The following ATRAID variants were observed in gnomAD, a reference collection of about 807,000 sequenced individuals.
ATRAID encodes the protein all-trans retinoic acid-induced differentiation factor.
A neutral mutation model predicts 28.8 loss-of-function variants in ATRAID; 26 were observed. The observed-to-expected ratio is 0.90, with a 90% CI of 0.66 to 1.25. The LOEUF (loss-of-function observed/expected upper bound fraction) is 1.25. ATRAID is among the 50% of genes most tolerant of loss of function. ATRAID has a pLI of 0.00. For synonymous variants in ATRAID, 131 were observed against 108.5 expected (o/e 1.21, Z -1.29); for missense variants, 308 against 285.9 (o/e 1.08, Z -0.56).
At chr2:27,212,991 C>T (rs926410343) in intron 1 of ATRAID, 186 bp from the exon 2 acceptor site, 6 of 697,170 alleles carry the variant, frequency 8.6e-6, no homozygotes, top group Non-Finnish European at 1.4e-5. Flanking sequence ...GCGCAGGACT[C>T]TGGAGGAAGA....
intron 1 of ATRAID, 76 bp downstream of exon 1, chr2:27,212,543 C>G (rs1288240372): frequency 1.3e-6 from 2 of 1,500,224 alleles, no homozygotes; most frequent in African/African-American, 1.4e-5. Context: ...AGCGGCTCCC[C>G]CTTCTCCTCG....
chr2:27,215,179 A>G, intron 2 of ATRAID, 142 bp from the exon 3 acceptor site: 1 of 764,212 alleles, frequency 1.3e-6, no homozygotes, highest in Non-Finnish European at 2.1e-6. Context: ...TAAAATGTCT[A>G]CCACAGCTCC....
intron 2 of ATRAID, among the ~76,000 whole-genome samples, chr2:27,215,090 A>G (rs1449806847): frequency 3.3e-5 from 5 of 152,116 alleles, no homozygotes; most frequent in South Asian, 4.1e-4. Context: ...GTGAGTCACT[A>G]CACCCAGCCT....
rs1393482657 is a variant in ATRAID at position 27,212,296 on chromosome 2, A to G, written c.-73A>G. The G allele has an allele frequency of 2.6e-6, 4 of 1,551,970 alleles. No individual in the cohort carries two copies. The highest frequency in any genetic ancestry group is 1.4e-5 in the African/African-American group (1 of 73,540). ...GCCGCTTAGGCCACGCCCGGGGAAG[A>G]GGGCCTGACGCGCTGCGGGGCGGGG... is the stretch of plus-strand genomic sequence containing the variant. On this transcript the variant is annotated 5_prime_UTR_variant, in exon 1 of 7. Transcript: ENST00000380171.
In ATRAID at chr2:27,212,251, C is replaced by T. The variant is rs746726954; in HGVS notation, c.-118C>T. 2 of 1,560,748 alleles carry T rather than the reference C, an allele frequency of 1.3e-6. No individual in the cohort carries two copies. The highest frequency in any genetic ancestry group is 4.7e-5 in the East Asian group (2 of 42,672). Reference sequence around the variant, plus strand: ...ACGAGCAGGAAAAGCCCCCAAGCAGCCCCAGGGCGACTGGACCGGGCCGCT... The same window carrying T: ...ACGAGCAGGAAAAGCCCCCAAGCAGTCCCAGGGCGACTGGACCGGGCCGCT... On this transcript the variant is annotated 5_prime_UTR_variant, in exon 1 of 7. Transcript: ENST00000380171.
At chr2:27,216,661 A>C in intron 6 of ATRAID, 41 bp downstream of exon 6, 3 of 1,555,022 alleles carry the variant, frequency 1.9e-6, no homozygotes, top group Non-Finnish European at 2.7e-6. Context: ...CAAGGAATGC[A>C]TAGAGCAAGT....
intron 2 of ATRAID, 80 bp from the exon 3 acceptor site, chr2:27,215,241 T>C (rs1674775308): frequency 2.2e-6 from 3 of 1,369,612 alleles, no homozygotes; most frequent in Non-Finnish European, 1.0e-6. Flanking sequence ...GAAAAGGGGG[T>C]TGTGTAGTCA....
rs1239350593 is a variant in ATRAID, at chr2:27,212,313, G to C, written c.-56G>C. The C allele has an allele frequency of 6.5e-7, 1 of 1,549,512 alleles. No individual in the cohort carries two copies. The highest frequency in any genetic ancestry group is 1.7e-4 in the Middle Eastern group (1 of 5,794). On this transcript the variant is annotated 5_prime_UTR_variant, in exon 1 of 7. Transcript: ENST00000380171. ...CGGGGAAGAGGGCCTGACGCGCTGC[G>C]GGGCGGGGCCGCGGGGCCGGGTCGC... is the stretch of plus-strand genomic sequence containing the variant.
chr2:27,212,073 G>A lies in ATRAID; in HGVS notation c.-296G>A. 1.6e-6 allele frequency: 2 copies of A among 1,273,958 alleles called. No individual in the cohort carries two copies. Among genetic ancestry groups the A allele is most frequent in the Non-Finnish European group, 2.1e-6 (2 of 950,168 alleles). 78.9% of individuals were successfully genotyped at this position (1,273,958 alleles called of 1,614,324 possible). On this transcript the variant is annotated 5_prime_UTR_variant, in exon 1 of 7. Transcript: ENST00000380171. ...TGCGAAGCCGCGACCTCGGCGTCCGGACGCGGGGAACACCGGGCTGAGGGA... is the reference window on the plus strand; with the variant it reads ...TGCGAAGCCGCGACCTCGGCGTCCGAACGCGGGGAACACCGGGCTGAGGGA...
At position 27,215,357 on chromosome 2, in the gene ATRAID, T is replaced by G; in HGVS notation, c.258T>G (p.Gly86=). Reference sequence around the variant, plus strand: ...AGAACTGTTCTCTGGAGGACCCTGGTCCAAACTTTCATCAGGCACATACCA... The same window carrying G: ...AGAACTGTTCTCTGGAGGACCCTGGGCCAAACTTTCATCAGGCACATACCA... The part of the protein sequence containing the change: ...DLQNCSLEDP[G]PNFHQAHTTV... The change falls in exon 3 of 7, where the codon GGT becomes GGG. Residue 86 remains glycine (G), a synonymous_variant. Coordinates refer to ENST00000380171, the MANE Select transcript of ATRAID (RefSeq NM_001170795.4). 6.2e-7 allele frequency: 1 copy of G among 1,614,190 alleles called. No homozygotes were observed. Among genetic ancestry groups the G allele is most frequent in the Non-Finnish European group, 8.5e-7 (1 of 1,180,032 alleles).
At chr2:27,213,545 TTA>T (rs2148042823) in intron 2 of ATRAID, 3 of 351,364 alleles carry the variant, frequency 8.5e-6, no homozygotes, top group African/African-American at 2.1e-5. Flanking sequence ...ACTCAAAATG[TTA>T]TGTTTTGCTT....
Position 27,212,285 on chromosome 2 carries a change from GC to G in ATRAID, c.-81del. ...GACTGGACCGGGCCGCTTAGGCCAC[GC>G]CCGGGGAAGAGGGCCTGACGCGCTG... On this transcript the variant is annotated 5_prime_UTR_variant, in exon 1 of 7. Transcript: ENST00000380171. 8 of 1,553,376 alleles carry G rather than the reference GC, an allele frequency of 5.2e-6. No homozygotes were observed. The highest frequency in any genetic ancestry group is 7.0e-6 in the Non-Finnish European group (8 of 1,148,586).
rs908633653 is a variant in ATRAID at position 27,212,278 on chromosome 2, A to G, written c.-91A>G. 2 of 1,554,550 alleles carry G rather than the reference A, an allele frequency of 1.3e-6. No individual in the cohort carries two copies. Among genetic ancestry groups the G allele is most frequent in the Non-Finnish European group, 1.7e-6 (2 of 1,149,358 alleles). On this transcript the variant is annotated 5_prime_UTR_variant, in exon 1 of 7. Coordinates refer to ENST00000380171, the MANE Select transcript of ATRAID (RefSeq NM_001170795.4). The stretch of plus-strand genomic sequence containing the variant: ...CCAGGGCGACTGGACCGGGCCGCTT[A>G]GGCCACGCCCGGGGAAGAGGGCCTG...
intron 1 of ATRAID, 21 bp from the exon 2 acceptor site, chr2:27,213,156 A>C: frequency 6.2e-7 from 1 of 1,606,366 alleles, no homozygotes; most frequent in Non-Finnish European, 8.5e-7. Flanking sequence ...TGGAGTTCTA[A>C]TGTTTCTTTC....
intron 1 of ATRAID, 127 bp from the exon 2 acceptor site, chr2:27,213,050 T>G: frequency 1.9e-5 from 23 of 1,191,448 alleles, no homozygotes; most frequent in East Asian, 2.4e-5. Context: ...CACGAGCCGT[T>G]TATCCATTTA....
downstream of ATRAID, chr2:27,217,162 CCTCT>C (rs1425371603): frequency 7.6e-6 from 4 of 525,632 alleles, no homozygotes; most frequent in East Asian, 3.2e-5. Flanking sequence ...CTTTTTTTTT[CCTCT>C]CTTTCTTTTT....
chr2:27,214,233 A>G (rs1235412258), intron 2 of ATRAID, among the ~76,000 whole-genome samples: 1 of 152,246 alleles, frequency 6.6e-6, no homozygotes, highest in Non-Finnish European at 1.5e-5. Flanking sequence ...ACTGTGTTAC[A>G]TATTTTTAAC....
chr2:27,215,651 A>G lies in ATRAID; in HGVS notation c.385A>G (p.Asn129Asp), dbSNP rs549488893. The G allele has an allele frequency of 9.0e-5, 145 of 1,614,214 alleles. 1 individual carries two copies. In the South Asian group the frequency reaches 1.4e-3, roughly 16 times the overall value. Residue 129 changes from asparagine (N) to aspartate (D), a missense_variant, in exon 5 of 7, where the codon AAC becomes GAC. Physicochemically the swap from Asn to Asp is conservative, Grantham distance 23. Coordinates refer to ENST00000380171, the MANE Select transcript of ATRAID (RefSeq NM_001170795.4). Reference protein sequence around the residue: ...LQTLILPQHVNCPGGINAWNT... With the variant: ...LQTLILPQHVDCPGGINAWNT... Reference sequence around the variant, plus strand: ...CTATAGGATACTGCCACAACATGTCAACTGTCCTGGAGGAATTAATGCCTG... The same window carrying G: ...CTATAGGATACTGCCACAACATGTCGACTGTCCTGGAGGAATTAATGCCTG...
intron 5 of ATRAID, 77 bp downstream of exon 5, chr2:27,215,830 A>T: frequency 6.4e-7 from 1 of 1,559,782 alleles, no homozygotes; most frequent in East Asian, 2.2e-5. Flanking sequence ...AGAAAGACAA[A>T]GTTGCTTAAG....
Sources: gnomAD v4.1 joint callset for allele counts (sites outside exome capture counted in the v4.1 genomes callset) on GRCh38, gnomAD v4.1.1 for gene constraint, MANE v1.5 for transcripts, NCBI Gene and HGNC (gene_info 2026-07-23, HGNC 2026-07-21) for gene names.